The following KLHDC10 variants were observed in gnomAD, a reference collection of about 807,000 sequenced individuals.
KLHDC10 encodes kelch domain containing 10.
Under a neutral mutation model 56.1 loss-of-function variants are expected in KLHDC10, and 24 were observed. The ratio of observed to expected loss-of-function variants is 0.43; its 90% CI spans 0.31 to 0.60. The LOEUF (loss-of-function observed/expected upper bound fraction) is 0.60, where lower values mean the gene tolerates loss of function less well. KLHDC10 is among the 20% of genes least tolerant of loss of function. The pLI is 0.11. For missense variants in KLHDC10, 349 were observed against 567.0 expected (o/e 0.62, Z 3.91); for synonymous variants, 188 against 207.1 (o/e 0.91, Z 0.79).
chr7:130,107,232 T>G (rs967622842), intron 2 of KLHDC10, among the ~76,000 whole-genome samples: 6 of 152,188 alleles, frequency 3.9e-5, no homozygotes, highest in African/African-American at 1.2e-4. Context: ...AACCTTGTTC[T>G]GGAGTTTTCA....
At chr7:130,115,231 C>T (rs991183524) in intron 2 of KLHDC10, among the ~76,000 whole-genome samples, 2 of 152,054 alleles carry the variant, frequency 1.3e-5, no homozygotes, top group African/African-American at 4.8e-5. Flanking sequence ...TAAAAAACTA[C>T]GTTCATCTTT....
At chr7:130,128,444 A>T (rs1392026149) in intron 8 of KLHDC10, among the ~76,000 whole-genome samples, 1 of 152,214 alleles carries the variant, frequency 6.6e-6, no homozygotes, top group African/African-American at 2.4e-5. Context: ...AGTTATAACT[A>T]ACTGATTTTA....
chr7:130,128,887 A>ATATATAT (rs1434178196), intron 8 of KLHDC10, among the ~76,000 whole-genome samples: 10 of 68,248 alleles, frequency 1.5e-4, no homozygotes, highest in African/African-American at 6.1e-4. Flanking sequence ...AAAAAAAAAA[A>ATATATAT]AAATATATAT....
Position 130,120,774 on chromosome 7 carries a change from A to G in KLHDC10, c.501A>G (p.Leu167=). 1.2e-6 allele frequency: 2 copies of G among 1,614,130 alleles called. No individual in the cohort carries two copies. Among genetic ancestry groups the G allele is most frequent in the Non-Finnish European group, 1.7e-6 (2 of 1,179,986 alleles). The change falls in exon 4 of 10, where the codon TTA becomes TTG. Residue 167 remains leucine (L), a synonymous_variant. Transcript: ENST00000335420. The surrounding 1 kb of genome is among the most constrained non-coding windows in gnomAD (Gnocchi z 5.1). The part of the protein sequence containing the change: ...MSLVLHGNNL[L]VFGGTGIPFG... ...TTGTGCTGCATGGAAACAACCTGTT[A>G]GTATTTGGAGGTACGGGCATCCCAT...
chr7:130,074,270 C>T (rs1259114332), intron 1 of KLHDC10, among the ~76,000 whole-genome samples: 1 of 152,156 alleles, frequency 6.6e-6, no homozygotes, highest in Non-Finnish European at 1.5e-5. Flanking sequence ...TCCATTAGAT[C>T]TCAGTTTGAT....
At chr7:130,081,480 C>T (rs1379371624) in intron 1 of KLHDC10, among the ~76,000 whole-genome samples, 1 of 151,604 alleles carries the variant, frequency 6.6e-6, no homozygotes, top group Non-Finnish European at 1.5e-5. Flanking sequence ...TGCCACGCCC[C>T]ACTAATTTTT....
chr7:130,097,631 T>C lies in KLHDC10; in HGVS notation c.253+624T>C, dbSNP rs1474961542. On this transcript the variant is annotated intron_variant, in intron 2 of 9. Transcript: ENST00000335420. Reference sequence around the variant, plus strand: ...AAACACAACAATTAAAACAATAAGATGTTTTTACCTATTAGATGAGCAAAG... The same window carrying C: ...AAACACAACAATTAAAACAATAAGACGTTTTTACCTATTAGATGAGCAAAG... 2.0e-5 allele frequency among the ~76,000 whole-genome samples: 3 copies of C among 152,130 alleles called. No homozygotes were observed. In the East Asian group the frequency reaches 5.8e-4, roughly 29 times the overall value.
At chr7:130,099,773 G>T (rs1795903929) in intron 2 of KLHDC10, among the ~76,000 whole-genome samples, 1 of 152,182 alleles carries the variant, frequency 6.6e-6, no homozygotes, top group South Asian at 2.1e-4. Flanking sequence ...AGCTAGTGAA[G>T]AAATTTAATT....
chr7:130,128,889 A>AAAAAAAATATATATATATAT, intron 8 of KLHDC10, among the ~76,000 whole-genome samples: 1 of 66,950 alleles, frequency 1.5e-5, no homozygotes, highest in African/African-American at 7.3e-5. Flanking sequence ...AAAAAAAAAA[A>AAAAAAAATATATATATATAT]ATATATATAT....
intron 1 of KLHDC10, among the ~76,000 whole-genome samples, chr7:130,082,325 A>G (rs2116847583): frequency 1.3e-5 from 2 of 152,324 alleles, no homozygotes; most frequent in South Asian, 4.1e-4. Context: ...TGCTGCCTCA[A>G]AAAAACCCCC....
intron 1 of KLHDC10, among the ~76,000 whole-genome samples, chr7:130,077,364 A>AC (rs1795521802): frequency 6.8e-6 from 1 of 148,014 alleles, no homozygotes; most frequent in Non-Finnish European, 1.5e-5. Context: ...AAAAAAAAAA[A>AC]AAAAAAAAAA....
intron 2 of KLHDC10, among the ~76,000 whole-genome samples, chr7:130,101,788 G>A (rs1197115030): frequency 6.6e-6 from 1 of 151,914 alleles, no homozygotes; most frequent in African/African-American, 2.4e-5. Flanking sequence ...AGCTAACACG[G>A]TGAAACCCCG....
At position 130,135,654 on chromosome 7, in the gene KLHDC10, T is replaced by C. The variant is rs1256619832; in HGVS notation, c.*4908T>C. On this transcript the variant is annotated 3_prime_UTR_variant, in exon 10 of 10. Coordinates refer to ENST00000335420, the MANE Select transcript of KLHDC10 (RefSeq NM_014997.4). ...CTGTATTTATGTACCTTGTCAGTGTTTTGCTGTTGGTTTTCTAAAACAATC... is the reference window on the plus strand; with the variant it reads ...CTGTATTTATGTACCTTGTCAGTGTCTTGCTGTTGGTTTTCTAAAACAATC... 1.3e-5 allele frequency: 2 copies of C among 154,364 alleles called. No individual in the cohort carries two copies. The highest frequency in any genetic ancestry group is 4.8e-5 in the African/African-American group (2 of 41,508). 9.6% of individuals were successfully genotyped at this position (154,364 alleles called of 1,614,324 possible).
At chr7:130,128,889 A>AAAATATATATATATATATATAT in intron 8 of KLHDC10, among the ~76,000 whole-genome samples, 2 of 66,954 alleles carry the variant, frequency 3.0e-5, no homozygotes, top group Non-Finnish European at 5.5e-5. Flanking sequence ...AAAAAAAAAA[A>AAAATATATATATATATATATAT]ATATATATAT....
chr7:130,123,120 C>A (rs1796272368), intron 5 of KLHDC10, among the ~76,000 whole-genome samples: 1 of 152,138 alleles, frequency 6.6e-6, no homozygotes. Context: ...CTCTAGTTGC[C>A]TTCTAGTAGC....
chr7:130,128,919 T>TACAC (rs1554468240), intron 8 of KLHDC10, among the ~76,000 whole-genome samples: 7 of 115,712 alleles, frequency 6.0e-5, no homozygotes, highest in Admixed American at 1.7e-4. Flanking sequence ...TATATATATA[T>TACAC]ACATACTAGC....
chr7:130,101,202 T>C (rs535850617), intron 2 of KLHDC10, among the ~76,000 whole-genome samples: 6 of 152,298 alleles, frequency 3.9e-5, no homozygotes, highest in Non-Finnish European at 7.3e-5. Context: ...AGAGAGACAG[T>C]ATGTACAGAG....
rs994699433 is a variant in KLHDC10 at position 130,132,293 on chromosome 7, C to T, written c.*1547C>T. 1 of 152,116 alleles carries T rather than the reference C, an allele frequency of 6.6e-6. No homozygotes were observed. The highest frequency in any genetic ancestry group is 2.4e-5 in the African/African-American group (1 of 41,420). The allele number at this position is 152,116 out of a possible 1,614,324, so 9.4% of individuals were successfully genotyped here. On this transcript the variant is annotated 3_prime_UTR_variant, in exon 10 of 10. Transcript: ENST00000335420. ...TTTCCTTTAAGTGCCTCTTTTTTCA[C>T]CTAGCTTTTAAAGTTATTCTTTGTC...
At chr7:130,105,795 A>C (rs1284536859) in intron 2 of KLHDC10, among the ~76,000 whole-genome samples, 1 of 152,180 alleles carries the variant, frequency 6.6e-6, no homozygotes, top group Non-Finnish European at 1.5e-5. Context: ...TTTATTAAGC[A>C]CTTTATGCAG....
Sources: gnomAD v4.1 joint callset for allele counts (sites outside exome capture counted in the v4.1 genomes callset) on GRCh38, gnomAD v4.1.1 for gene constraint, Gnocchi (gnomAD v3.1) non-coding constraint, MANE v1.5 for transcripts, NCBI Gene and HGNC (gene_info 2026-07-23, HGNC 2026-07-21) for gene names.